DLL1: variants seen among roughly 807,000 people sequenced by gnomAD.
The protein encoded by DLL1 is delta like canonical Notch ligand 1.
A neutral mutation model predicts 75.1 loss-of-function variants in DLL1; 9 were observed. The observed-to-expected ratio is 0.12, with a 90% confidence interval of 0.07 to 0.21. The LOEUF is 0.21. DLL1 is among the 10% of genes least tolerant of loss of function. DLL1 has a pLI of 1.00. For missense variants in DLL1, 837 were observed against 1,007.6 expected, an observed-to-expected ratio of 0.83 and a Z score of 2.29; for synonymous variants, 477 against 418.3, an observed-to-expected ratio of 1.14 and a Z score of -1.71.
Position 170,282,555 on chromosome 6 carries a change from G to A in DLL1, c.*319C>T, listed in dbSNP as rs1783579814. On this transcript the variant is annotated 3_prime_UTR_variant, in exon 11 of 11. Transcript: ENST00000366756. ...AATTCAAGAAAAGACTGGCTCATAA[G>A]AATCCAAAATATACACTCAGGCAGT... 1 of 525,418 alleles carries A rather than the reference G, an allele frequency of 1.9e-6. No homozygotes were observed. 32.5% of individuals were successfully genotyped at this position (525,418 alleles called of 1,614,324 possible).
chr6:170,289,037 G>A (rs1783774939), intron 2 of DLL1: 1 of 607,062 alleles, frequency 1.6e-6, no homozygotes, highest in African/African-American at 1.9e-5. Context: ...ATATTACGTT[G>A]TTTTTTTAAT....
Position 170,290,364 on chromosome 6 carries a change from G to C in DLL1, c.-225C>G, listed in dbSNP as rs1373099403. Reference sequence around the variant, plus strand: ...CCTGCGAGGTCCCGCGGCAGCCCCAGGGATGCCCGAGGAAAGGCAGCTCTC... The same window carrying C: ...CCTGCGAGGTCCCGCGGCAGCCCCACGGATGCCCGAGGAAAGGCAGCTCTC... On this transcript the variant is annotated 5_prime_UTR_variant, in exon 1 of 11. Transcript: ENST00000366756. This position sits in a 1 kb window ranked among gnomAD's most constrained non-coding sequence, Gnocchi z 4.7. 4.5e-6 allele frequency: 2 copies of C among 440,884 alleles called. No homozygotes were observed. Among genetic ancestry groups the C allele is most frequent in the Non-Finnish European group, 7.8e-6 (2 of 256,422 alleles). The allele number at this position is 440,884 out of a possible 1,614,324, so 27.3% of individuals were successfully genotyped here. A position where few individuals can be genotyped will look rare whatever the true frequency, so the allele number is the denominator to read the frequency against.
intron 4 of DLL1, among the ~76,000 whole-genome samples, chr6:170,287,443 C>T (rs1016487213): frequency 6.6e-6 from 1 of 152,200 alleles, no homozygotes; most frequent in South Asian, 2.1e-4. Flanking sequence ...GGCGTGCAGG[C>T]GAGGCCTCAG....
At position 170,282,876 on chromosome 6, in the gene DLL1, A is replaced by G; in HGVS notation, c.2170T>C (p.Ter724GlnextTer14). ...KDECVIATEV* is the reference protein window; with the variant it reads ...KDECVIATEVQ ...AGTCTTGCCATCTCACTTCCATTTT[A>G]CACCTGGGGGGCCACAAGACAAATG... is the stretch of plus-strand genomic sequence containing the variant. Residue 724 changes from the stop codon to glutamine (Q), a stop_lost, in exon 11 of 11, where the codon TAA (stop) becomes CAA (glutamine). Transcript: ENST00000366756. 3 of 1,614,138 alleles carry G rather than the reference A, an allele frequency of 1.9e-6. No homozygotes were observed. The highest frequency in any genetic ancestry group is 2.5e-6 in the Non-Finnish European group (3 of 1,180,036).
chr6:170,284,179 T>C (rs1562495205), intron 8 of DLL1, 150 bp from the exon 9 acceptor site: 14 of 1,053,908 alleles, frequency 1.3e-5, no homozygotes, highest in Non-Finnish European at 1.5e-5. Flanking sequence ...CAAGGTGACA[T>C]GGTTTAGGAC....
rs1281454745 is a variant in DLL1 at position 170,283,281 on chromosome 6, C to A, written c.1998G>T (p.Gln666His). 8 of 1,613,028 alleles carry A rather than the reference C, an allele frequency of 5.0e-6. No individual in the cohort carries two copies. The highest frequency in any genetic ancestry group is 6.8e-6 in the Non-Finnish European group (8 of 1,179,988). The part of the protein sequence containing the change: ...DAHSKRDTKC[Q>H]PQGSSGEEKG... ...TCTCCTCCCCTGAGGAGCCCTGGGG[C>A]TGGCACTTGGTGTCACGCTTGCTGT... Residue 666 changes from glutamine to histidine, a missense_variant, in exon 9 of 11, where the codon CAG (glutamine) becomes CAT (histidine). By Grantham distance (24) the Gln-to-His change is conservative. Coordinates refer to ENST00000366756, the MANE Select transcript of DLL1 (RefSeq NM_005618.4).
chr6:170,289,931 G>GGCCGGCGCTGGGGTC, intron 1 of DLL1, 123 bp from the exon 2 acceptor site: 1 of 1,331,858 alleles, frequency 7.5e-7, no homozygotes, highest in Admixed American at 3.3e-5. Context: ...CTCGCTGCAC[G>GGCCGGCGCTGGGGTC]GCCGGCGCTG....
Position 170,285,056 on chromosome 6 carries a change from G to A in DLL1, c.1112C>T (p.Ala371Val), listed in dbSNP as rs148635497. 23 of 1,614,002 alleles carry A rather than the reference G, an allele frequency of 1.4e-5. No individual in the cohort carries two copies. The highest frequency in any genetic ancestry group is 2.7e-5 in the African/African-American group (2 of 74,910). Residue 371 changes from alanine (A) to valine (V), a missense_variant, in exon 8 of 11, where the codon GCG becomes GTG. Ala to Val is a moderately conservative substitution (Grantham distance 64, BLOSUM62 0). Around this residue, in one of 2 missense-constraint regions of DLL1, gnomAD observed 533 missense variants for 545.7 expected, o/e 0.98. Transcript: ENST00000366756. ...KICELSAMTC[A>V]DGPCFNGGRC... ...ACCCCCGTTAAAGCAAGGGCCGTCCGCACAGGTCATGGCACTCAATTCACA... is the reference window on the plus strand; with the variant it reads ...ACCCCCGTTAAAGCAAGGGCCGTCCACACAGGTCATGGCACTCAATTCACA...
chr6:170,283,050 T>C lies in DLL1; in HGVS notation c.2104A>G (p.Thr702Ala). ...ATGACGTACACCGACTGGTACTTGG[T>C]GTCTTTTGAAGTTGAACAGCCCGAG... The part of the protein sequence containing the change: ...PDSGCSTSKD[T>A]KYQSVYVISE... The change falls in exon 10 of 11, where the codon ACC becomes GCC. Residue 702 changes from threonine to alanine, a missense_variant. This residue lies in a region of DLL1 where 533 missense variants were observed against 545.7 expected (regional missense o/e 0.98). Transcript: ENST00000366756. 1 of 1,614,104 alleles carries C rather than the reference T, an allele frequency of 6.2e-7. No individual in the cohort carries two copies.
Position 170,290,466 on chromosome 6 carries a change from C to T in DLL1, c.-327G>A, listed in dbSNP as rs534062262. The T allele has an allele frequency of 2.4e-4, 83 of 343,274 alleles. No individual in the cohort carries two copies. The highest frequency in any genetic ancestry group is 1.7e-3 in the African/African-American group (80 of 46,618). 21.3% of individuals were successfully genotyped at this position (343,274 alleles called of 1,614,324 possible). A position where few individuals can be genotyped will look rare whatever the true frequency, so the allele number is the denominator to read the frequency against. On this transcript the variant is annotated 5_prime_UTR_variant, in exon 1 of 11. Coordinates refer to ENST00000366756, the MANE Select transcript of DLL1 (RefSeq NM_005618.4). This position sits in a 1 kb window ranked among gnomAD's most constrained non-coding sequence, Gnocchi z 4.7. Reference sequence around the variant, plus strand: ...CCGAGGAGGTGAGGGTCGCCGGCTTCCTGGTTTTGTCTTGAGCTTCTTCGC... The same window carrying T: ...CCGAGGAGGTGAGGGTCGCCGGCTTTCTGGTTTTGTCTTGAGCTTCTTCGC...
intron 4 of DLL1, among the ~76,000 whole-genome samples, chr6:170,287,918 C>T (rs974528928): frequency 1.3e-5 from 2 of 152,168 alleles, no homozygotes; most frequent in Non-Finnish European, 2.9e-5. Context: ...TCCTCCTCTC[C>T]CTCTCTAATA....
At chr6:170,287,880 CAA>C (rs1259904678) in intron 4 of DLL1, among the ~76,000 whole-genome samples, 1 of 152,214 alleles carries the variant, frequency 6.6e-6, no homozygotes, top group Non-Finnish European at 1.5e-5. Context: ...CCCTGACACA[CAA>C]GCTCTCTCTG....
intron 3 of DLL1, 61 bp downstream of exon 3, chr6:170,288,668 G>T: frequency 6.2e-7 from 1 of 1,610,838 alleles, no homozygotes. Flanking sequence ...GGGGATGGGT[G>T]GGCAAAGTCC....
rs1583154119 is a variant in DLL1, at chr6:170,285,637, T to C, written c.794A>G (p.His265Arg). The C allele has an allele frequency of 1.9e-6, 3 of 1,614,028 alleles. No individual in the cohort carries two copies. The highest frequency in any genetic ancestry group is 2.2e-5 in the East Asian group (1 of 44,878). Reference sequence around the variant, plus strand: ...CTGCCAGGGCTGCTGGCAGGTGCCATGGAGACAGCCTGGATAGCGGATACA... The same window carrying C: ...CTGCCAGGGCTGCTGGCAGGTGCCACGGAGACAGCCTGGATAGCGGATACA... ...DECIRYPGCL[H>R]GTCQQPWQCN... The change falls in exon 6 of 11, where the codon CAT becomes CGT. Residue 265 changes from histidine to arginine, a missense_variant. Coordinates refer to ENST00000366756, the MANE Select transcript of DLL1 (RefSeq NM_005618.4).
chr6:170,284,199 G>A lies in DLL1; in HGVS notation c.1250-170C>T, dbSNP rs1000216858. 1.3e-4 allele frequency among the ~76,000 whole-genome samples: 20 copies of A among 152,300 alleles called. 1 individual carries two copies. The highest frequency in any genetic ancestry group is 4.4e-5 in the Non-Finnish European group (3 of 68,018). On this transcript the variant is annotated intron_variant, in intron 8 of 10. Coordinates refer to ENST00000366756, the MANE Select transcript of DLL1 (RefSeq NM_005618.4). Reference sequence around the variant, plus strand: ...TGACATGGTTTAGGACCTCAAATACGAGAGGTGTCCAGGTCTAGCTCTACA... The same window carrying A: ...TGACATGGTTTAGGACCTCAAATACAAGAGGTGTCCAGGTCTAGCTCTACA...
intron 8 of DLL1, among the ~76,000 whole-genome samples, chr6:170,284,673 T>G (rs1783655661): frequency 6.6e-6 from 1 of 152,224 alleles, no homozygotes; most frequent in African/African-American, 2.4e-5. Context: ...AAGCACCTTG[T>G]GGCCCTGAGC....
At position 170,288,456 on chromosome 6, in the gene DLL1, C is replaced by T. The variant is rs774613387; in HGVS notation, c.453G>A (p.Arg151=). The change falls in exon 4 of 11, where the codon AGG becomes AGA. Residue 151 remains arginine (R), a synonymous_variant. Transcript: ENST00000366756. ...ERLISRLATQ[R]HLTVGEEWSQ... ...ACCACTCCTCGCCCACCGTCAGGTG[C>T]CTCTGGGTGGCCAGGCGGCTGATGA... is the stretch of plus-strand genomic sequence containing the variant. 1.7e-5 allele frequency: 27 copies of T among 1,613,990 alleles called. No individual in the cohort carries two copies. Among genetic ancestry groups the T allele is most frequent in the Non-Finnish European group, 2.1e-5 (25 of 1,180,056 alleles).
intron 4 of DLL1, among the ~76,000 whole-genome samples, chr6:170,286,601 A>C (rs956964828): frequency 3.4e-5 from 2 of 59,378 alleles, no homozygotes; most frequent in South Asian, 5.2e-4. Flanking sequence ...CTCCTCCCCC[A>C]CTTCCCAATT....
At position 170,287,444 on chromosome 6, in the gene DLL1, G is replaced by A. The variant is rs541058365; in HGVS notation, c.670+795C>T. ...GGCTGGGACGGCCAGGCGTGCAGGC[G>A]AGGCCTCAGTCAGCTGGAGAGAGGG... On this transcript the variant is annotated intron_variant, in intron 4 of 10. Transcript: ENST00000366756. Among the ~76,000 whole-genome samples the A allele has an allele frequency of 6.4e-4, 97 of 152,296 alleles. 1 individual carries two copies. In the Middle Eastern group the frequency reaches 0.01, roughly 16 times the overall value.
Sources: gnomAD v4.1 joint callset for allele counts (sites outside exome capture counted in the v4.1 genomes callset) on GRCh38, gnomAD v4.1.1 for gene constraint, gnomAD v4.1.1 regional missense constraint, Gnocchi (gnomAD v3.1) non-coding constraint, MANE v1.5 for transcripts, NCBI Gene and HGNC (gene_info 2026-07-23, HGNC 2026-07-21) for gene names.